Variants in TXNDC12 observed in about 807,000 individuals in gnomAD.
The protein encoded by TXNDC12 is thioredoxin domain containing 12.
In TXNDC12, 22 loss-of-function variants were observed where a neutral mutation model predicts 24.2. That is an observed-to-expected ratio of 0.91 (90% confidence interval 0.65 to 1.30). The LOEUF is 1.30. TXNDC12 is among the 50% of genes most tolerant of loss of function. The probability of loss-of-function intolerance (pLI) is 0.00; values close to 1 mark genes in which losing one functional copy is unlikely to be tolerated. For synonymous variants in TXNDC12, 58 were observed against 73.4 expected (o/e 0.79, Z 1.07); for missense variants, 184 against 205.8 (o/e 0.89, Z 0.65).
intron 2 of TXNDC12, among the ~76,000 whole-genome samples, chr1:52,037,050 C>T (rs1026631913): frequency 6.6e-6 from 1 of 152,132 alleles, no homozygotes; most frequent in Non-Finnish European, 1.5e-5. Flanking sequence ...ATATAATCCT[C>T]CTAAACTTTC....
intron 2 of TXNDC12, among the ~76,000 whole-genome samples, chr1:52,036,326 AG>A (rs948530373): frequency 1.3e-5 from 2 of 152,154 alleles, no homozygotes; most frequent in African/African-American, 4.8e-5. Context: ...TCCAGGAAGC[AG>A]GGGGGCAAAA....
intron 1 of TXNDC12, among the ~76,000 whole-genome samples, chr1:52,046,854 A>AC (rs1491402627): frequency 3.8e-5 from 3 of 78,344 alleles, no homozygotes; most frequent in Admixed American, 3.4e-4. Flanking sequence ...CATCTCTACT[A>AC]AAAAAAAAAA....
At chr1:52,028,017 G>A (rs1482266377) in intron 3 of TXNDC12, among the ~76,000 whole-genome samples, 4 of 151,826 alleles carry the variant, frequency 2.6e-5, no homozygotes, top group African/African-American at 7.3e-5. Flanking sequence ...TAGTAGAGGC[G>A]GGGTTTCACT....
upstream of TXNDC12, chr1:52,055,413 C>A: frequency 3.4e-6 from 1 of 292,386 alleles, no homozygotes; most frequent in Non-Finnish European, 6.7e-6. Flanking sequence ...ATAGTAGGGG[C>A]GGGGGAGAGG....
chr1:52,023,894 G>A (rs1207252446), intron 5 of TXNDC12, among the ~76,000 whole-genome samples: 5 of 151,996 alleles, frequency 3.3e-5, no homozygotes, highest in Non-Finnish European at 7.4e-5. Flanking sequence ...TCAAGGGTGA[G>A]AATTCTGGCT....
chr1:52,049,784 C>T (rs1008615021), intron 1 of TXNDC12, among the ~76,000 whole-genome samples: 5 of 151,930 alleles, frequency 3.3e-5, no homozygotes, highest in Admixed American at 1.3e-4. Context: ...GCAATCTGCC[C>T]GCCTTGGCCT....
chr1:52,024,411 G>T, intron 5 of TXNDC12, 99 bp downstream of exon 5: 1 of 892,060 alleles, frequency 1.1e-6, no homozygotes, highest in Non-Finnish European at 1.8e-6. Context: ...ATTTGTTTGT[G>T]GTCATCCTGG....
rs1038348534 is a variant in TXNDC12 at position 52,027,675 on chromosome 1, T to C, written c.212-327A>G. ...CAAAAACCATTGACATGAAAGACAA[T>C]AGAGTGACAGTCTGCCACACGTGTA... On this transcript the variant is annotated intron_variant, in intron 3 of 6. Coordinates refer to ENST00000371626, the MANE Select transcript of TXNDC12 (RefSeq NM_015913.4). 8.6e-5 allele frequency among the ~76,000 whole-genome samples: 13 copies of C among 151,540 alleles called. No individual in the cohort carries two copies. In the East Asian group the frequency reaches 1.9e-3, roughly 22 times the overall value.
intron 1 of TXNDC12, among the ~76,000 whole-genome samples, chr1:52,042,786 C>T (rs1686018658): frequency 6.6e-6 from 1 of 152,158 alleles, no homozygotes; most frequent in African/African-American, 2.4e-5. Flanking sequence ...CCAAGCCTGG[C>T]TAATTCTGTA....
At chr1:52,036,508 G>A (rs763467031) in intron 2 of TXNDC12, among the ~76,000 whole-genome samples, 1 of 152,220 alleles carries the variant, frequency 6.6e-6, no homozygotes, top group Non-Finnish European at 1.5e-5. Flanking sequence ...AGAGGCAGAA[G>A]AGGGTGGAAG....
intron 2 of TXNDC12, among the ~76,000 whole-genome samples, chr1:52,031,646 A>G (rs1439478222): frequency 2.0e-5 from 3 of 151,986 alleles, no homozygotes; most frequent in African/African-American, 7.3e-5. Context: ...GCACACCATC[A>G]CGCCCAACTA....
intron 2 of TXNDC12, chr1:52,033,494 C>A: frequency 6.2e-7 from 1 of 1,613,870 alleles, no homozygotes. Flanking sequence ...CAGTAGAGCT[C>A]GTAACGGAAA....
At chr1:52,033,710 C>T (rs2124371911) in intron 2 of TXNDC12, 2 of 1,610,756 alleles carry the variant, frequency 1.2e-6, no homozygotes, top group Non-Finnish European at 1.7e-6. Flanking sequence ...AACTCTTCAG[C>T]ACGCCGGCTC....
At chr1:52,035,240 T>C (rs987760055) in intron 2 of TXNDC12, among the ~76,000 whole-genome samples, 3 of 152,308 alleles carry the variant, frequency 2.0e-5, no homozygotes, top group Middle Eastern at 3.4e-3. Context: ...CTGGGGTCTT[T>C]GTATCTCTCT....
intron 1 of TXNDC12, among the ~76,000 whole-genome samples, chr1:52,047,319 C>T (rs1192816054): frequency 6.6e-6 from 1 of 152,104 alleles, no homozygotes; most frequent in East Asian, 1.9e-4. Context: ...TCTTCCGATT[C>T]CTTCTGTCTT....
intron 1 of TXNDC12, among the ~76,000 whole-genome samples, chr1:52,053,139 T>C (rs1364357872): frequency 6.6e-6 from 1 of 150,950 alleles, no homozygotes; most frequent in Non-Finnish European, 1.5e-5. Flanking sequence ...GGCACATGCC[T>C]GTAGTCCCAG....
rs1413433545 is a variant in TXNDC12 at position 52,020,664 on chromosome 1, GA to G, written c.*268del. On this transcript the variant is annotated 3_prime_UTR_variant, in exon 7 of 7. Coordinates refer to ENST00000371626, the MANE Select transcript of TXNDC12 (RefSeq NM_015913.4). ...TCCAAGTGGCTCAAGTTTTGTGTCA[GA>G]AGGTTTCATTCTTTACATTCAATGA... The G allele has an allele frequency of 2.3e-6, 1 of 429,854 alleles. No individual in the cohort carries two copies. Among genetic ancestry groups the G allele is most frequent in the African/African-American group, 2.0e-5 (1 of 49,932 alleles). 26.6% of individuals were successfully genotyped at this position (429,854 alleles called of 1,614,324 possible).
intron 2 of TXNDC12, chr1:52,033,124 G>T: frequency 6.2e-7 from 1 of 1,614,026 alleles, no homozygotes; most frequent in Non-Finnish European, 8.5e-7. Context: ...AAAGCGCAGC[G>T]TTAGGGCCTC....
chr1:52,033,964 A>G (rs1685835750), intron 2 of TXNDC12: 1 of 1,420,104 alleles, frequency 7.0e-7, no homozygotes, highest in Non-Finnish European at 9.2e-7. Flanking sequence ...CTATAATGGC[A>G]TCAGTTATTT....
Sources: gnomAD v4.1 joint callset for allele counts (sites outside exome capture counted in the v4.1 genomes callset) on GRCh38, gnomAD v4.1.1 for gene constraint, MANE v1.5 for transcripts, NCBI Gene and HGNC (gene_info 2026-07-23, HGNC 2026-07-21) for gene names.